TJP1: variants seen among roughly 807,000 people sequenced by gnomAD.
TJP1 encodes the protein tight junction protein ZO-1.
TJP1 carries 43 observed loss-of-function variants against 194.2 expected under a neutral mutation model. That is an observed-to-expected ratio of 0.22 (90% CI 0.17 to 0.29). TJP1 has a LOEUF of 0.29. Among genes scored for constraint, TJP1 ranks in the 10% least tolerant of loss-of-function variants. The pLI, the probability that TJP1 is intolerant of heterozygous loss-of-function variation, is 1.00. For synonymous variants in TJP1, 801 were observed against 779.0 expected, an observed-to-expected ratio of 1.03 and a Z score of -0.47; for missense variants, 1,971 against 2,185.7, an observed-to-expected ratio of 0.90 and a Z score of 1.96.
chr15:29,860,472 G>A (rs896281780), intron 2 of TJP1, among the ~76,000 whole-genome samples: 4 of 152,068 alleles, frequency 2.6e-5, no homozygotes, highest in Admixed American at 2.6e-4. Context: ...TCTACTTTCT[G>A]TTTCTACAAA....
chr15:29,918,429 G>T (rs189109843), intron 2 of TJP1, among the ~76,000 whole-genome samples: 1 of 152,230 alleles, frequency 6.6e-6, no homozygotes, highest in Admixed American at 6.5e-5. Context: ...AGGAGGAAGG[G>T]CTCTTGAAAA....
At chr15:29,931,258 G>A (rs746189036) in intron 2 of TJP1, among the ~76,000 whole-genome samples, 6 of 152,140 alleles carry the variant, frequency 3.9e-5, no homozygotes, top group Admixed American at 2.6e-4. Context: ...TGCAGAGGAG[G>A]AGGAAGAGGA....
intron 1 of TJP1, among the ~76,000 whole-genome samples, chr15:29,811,954 T>C (rs2049550273): frequency 6.6e-6 from 1 of 152,210 alleles, no homozygotes. Flanking sequence ...AAAATTCCTA[T>C]ATGCCTCCTC....
In TJP1 at chr15:29,764,010, CT is replaced by C. The variant is rs1422424942; in HGVS notation, c.590-1573del. ...TTACACAGATGACCCCAAAATATTTCTTGTATATTAGTTTGTTCGTTCATTC... is the reference window on the plus strand; with the variant it reads ...TTACACAGATGACCCCAAAATATTTCTGTATATTAGTTTGTTCGTTCATTC... On this transcript the variant is annotated intron_variant, in intron 5 of 27. Coordinates refer to ENST00000614355, the MANE Select transcript of TJP1 (RefSeq NM_001330239.4). 4.6e-5 allele frequency among the ~76,000 whole-genome samples: 7 copies of C among 152,050 alleles called. No individual in the cohort carries two copies. In the East Asian group the frequency reaches 9.7e-4, roughly 21 times the overall value.
At chr15:29,942,272 G>A (rs992573245) in intron 2 of TJP1, among the ~76,000 whole-genome samples, 1 of 152,186 alleles carries the variant, frequency 6.6e-6, no homozygotes, top group Non-Finnish European at 1.5e-5. Context: ...GAAGAGATGA[G>A]AGATGATGGC....
At chr15:29,854,555 G>C (rs1482243346) in intron 2 of TJP1, among the ~76,000 whole-genome samples, 1 of 152,188 alleles carries the variant, frequency 6.6e-6, no homozygotes, top group Admixed American at 6.5e-5. Context: ...AGCTGGGAGA[G>C]ACAAGGAACA....
chr15:29,766,763 G>A (rs998634007), intron 4 of TJP1, among the ~76,000 whole-genome samples: 1 of 152,066 alleles, frequency 6.6e-6, no homozygotes, highest in African/African-American at 2.4e-5. Context: ...AAATAAGAAC[G>A]AGTGGGCCTA....
intron 2 of TJP1, among the ~76,000 whole-genome samples, chr15:29,918,678 G>T (rs1471972224): frequency 2.4e-4 from 37 of 152,110 alleles, no homozygotes; most frequent in Admixed American, 2.4e-3. Flanking sequence ...GGTCGAGGCT[G>T]CAGTAAGCTG....
In TJP1 at chr15:29,701,419, T is replaced by TCTCGGTG; in HGVS notation, c.*175_*176insCACCGAG. The TCTCGGTG allele has an allele frequency of 1.9e-6, 1 of 534,402 alleles. No individual in the cohort carries two copies. The highest frequency in any genetic ancestry group is 2.8e-5 in the East Asian group (1 of 35,346). The allele number at this position is 534,402 out of a possible 1,614,324, so 33.1% of individuals were successfully genotyped here. A position where few individuals can be genotyped will look rare whatever the true frequency, so the allele number is the denominator to read the frequency against. On this transcript the variant is annotated 3_prime_UTR_variant, in exon 28 of 28. Coordinates refer to ENST00000614355, the MANE Select transcript of TJP1 (RefSeq NM_001330239.4). ...AATCACAAACATGCAGTGTGTAGCA[T>TCTCGGTG]GTTTTCCGACCATGGTTCAGGGGCA... is the stretch of plus-strand genomic sequence containing the variant.
intron 2 of TJP1, among the ~76,000 whole-genome samples, chr15:29,877,654 GTCTC>G (rs1030452280): frequency 2.5e-4 from 26 of 105,244 alleles, no homozygotes; most frequent in Admixed American, 5.4e-4. Context: ...TTCTTTCTTT[GTCTC>G]TCTCTCTTTC....
chr15:29,710,904 C>G lies in TJP1; in HGVS notation c.4299G>C (p.Ser1433=). ...CAGGCTGAGATGGCTGGGCATACTG[C>G]GAGGGCAATGGAGGAGGAGGGGGAG... ...QATPPPPPLP[S]QYAQPSQPVT... The change falls in exon 24 of 28, where the codon TCG becomes TCC. Residue 1433 remains serine (S), a synonymous_variant. Coordinates refer to ENST00000614355, the MANE Select transcript of TJP1 (RefSeq NM_001330239.4). 1 of 1,614,058 alleles carries G rather than the reference C, an allele frequency of 6.2e-7. No individual in the cohort carries two copies.
At chr15:29,729,993 T>C (rs771550424) in intron 15 of TJP1, among the ~76,000 whole-genome samples, 2 of 152,058 alleles carry the variant, frequency 1.3e-5, no homozygotes, top group African/African-American at 2.4e-5. Context: ...AAACAAAATA[T>C]GGACAGATTT....
intron 2 of TJP1, among the ~76,000 whole-genome samples, chr15:29,857,515 G>A (rs2051905156): frequency 6.6e-6 from 1 of 152,036 alleles, no homozygotes; most frequent in South Asian, 2.1e-4. Context: ...CTTTCTTCTT[G>A]CCACATGGAC....
chr15:29,771,043 A>G (rs1022695107), intron 4 of TJP1, among the ~76,000 whole-genome samples: 4 of 152,184 alleles, frequency 2.6e-5, no homozygotes, highest in African/African-American at 9.7e-5. Flanking sequence ...TAGTAAGTGC[A>G]CTAAACAGGC....
intron 2 of TJP1, among the ~76,000 whole-genome samples, chr15:29,873,556 T>C (rs2052598101): frequency 6.6e-6 from 1 of 152,226 alleles, no homozygotes; most frequent in Non-Finnish European, 1.5e-5. Context: ...TAAGAAAATA[T>C]GGAGAGCTAT....
chr15:29,901,063 A>T (rs1434727181), intron 2 of TJP1, among the ~76,000 whole-genome samples: 1 of 152,152 alleles, frequency 6.6e-6, no homozygotes, highest in Non-Finnish European at 1.5e-5. Context: ...GAAAAAGGTG[A>T]TAAAGAGGAC....
intron 2 of TJP1, among the ~76,000 whole-genome samples, chr15:29,893,534 G>T (rs887366817): frequency 3.9e-5 from 6 of 152,130 alleles, no homozygotes; most frequent in African/African-American, 1.4e-4. Flanking sequence ...TTAACAAATT[G>T]TCACAGCACC....
intron 2 of TJP1, among the ~76,000 whole-genome samples, chr15:29,909,151 C>T (rs2152219697): frequency 7.2e-6 from 1 of 139,336 alleles, no homozygotes; most frequent in African/African-American, 2.7e-5. Flanking sequence ...AGGGAGACTC[C>T]ATCTCAAAAA....
At chr15:29,794,227 G>A (rs1007973413) in intron 2 of TJP1, among the ~76,000 whole-genome samples, 2 of 152,102 alleles carry the variant, frequency 1.3e-5, no homozygotes, top group African/African-American at 4.8e-5. Flanking sequence ...TGGCTGGTGA[G>A]GACTTTGATT....
Sources: allele counts gnomAD v4.1 joint callset (sites outside exome capture counted in the v4.1 genomes callset), GRCh38; gene constraint gnomAD v4.1.1; transcripts MANE v1.5; gene names NCBI Gene and HGNC (gene_info 2026-07-23, HGNC 2026-07-21).